Variants in PLCD1 observed in about 807,000 individuals in gnomAD.
PLCD1 encodes the protein 1-phosphatidylinositol 4,5-bisphosphate phosphodiesterase delta-1.
PLCD1 carries 71 observed loss-of-function variants against 87.4 expected under a neutral mutation model. That is an observed-to-expected ratio of 0.81 (90% CI 0.67 to 0.99). PLCD1 has a LOEUF of 0.99. PLCD1 is among the 50% of genes least tolerant of loss of function. The pLI is 0.00. For synonymous variants in PLCD1, 348 were observed against 399.2 expected (o/e 0.87, Z 1.53); for missense variants, 867 against 1,001.5 (o/e 0.87, Z 1.81).
chr3:38,021,581 T>C (rs564029469), intron 1 of PLCD1, among the ~76,000 whole-genome samples: 443 of 152,302 alleles, frequency 2.9e-3, no homozygotes, highest in Non-Finnish European at 4.4e-3. Flanking sequence ...CCCACTGGTG[T>C]AATACAGAAA....
At chr3:38,008,987 G>C (rs933221793) in intron 11 of PLCD1, 55 bp downstream of exon 11, 263 of 1,441,088 alleles carry the variant, frequency 1.8e-4, no homozygotes, top group Non-Finnish European at 2.5e-4. Context: ...CCAGGCCCCC[G>C]GCCTTGGGAC....
Position 38,009,122 on chromosome 3 carries a change from C to G in PLCD1, c.1643G>C (p.Ser548Thr). 1 of 1,614,166 alleles carries G rather than the reference C, an allele frequency of 6.2e-7. No homozygotes were observed. Among genetic ancestry groups the G allele is most frequent in the South Asian group, 1.1e-5 (1 of 91,078 alleles). The change falls in exon 11 of 15, where the codon AGC becomes ACC. Residue 548 changes from serine (S) to threonine (T), a missense_variant. By Grantham distance (58) the Ser-to-Thr change is moderately conservative. Coordinates refer to ENST00000334661, the MANE Select transcript of PLCD1 (RefSeq NM_006225.4). ...GFVRHNVGHL[S>T]RIYPAGWRTD... is the part of the protein sequence containing the mutation. ...TCTCCATCCAGCCGGGTAGATTCTG[C>G]TCAGGTGCCCCACGTTGTGGCGGAC...
In PLCD1 at chr3:38,009,635, C is replaced by A. The variant is rs369057177; in HGVS notation, c.1446+18G>T. 6.2e-7 allele frequency: 1 copy of A among 1,613,906 alleles called. No homozygotes were observed. Among genetic ancestry groups the A allele is most frequent in the African/African-American group, 1.3e-5 (1 of 74,922 alleles). ...GGGGAAGGCCCGGGCTGCCCCACCC[C>A]ACAGCTCCCCCTCAAACCTTGGGCT... is the stretch of plus-strand genomic sequence containing the variant. On this transcript the variant is annotated intron_variant, in intron 9 of 14. Transcript: ENST00000334661.
Position 38,011,242 on chromosome 3 carries a change from G to A in PLCD1, c.762C>T (p.Leu254=), listed in dbSNP as rs767636924. 3.7e-6 allele frequency: 6 copies of A among 1,610,730 alleles called. No homozygotes were observed. The highest frequency in any genetic ancestry group is 5.1e-6 in the Non-Finnish European group (6 of 1,179,874). The part of the protein sequence containing the change: ...EAAGPALALS[L]IERYEPSETA... The stretch of plus-strand genomic sequence containing the variant: ...TCTCGCTGGGCTCGTAGCGCTCAAT[G>A]AGGGAGAGGGCCAGCGCAGGCCCTG... Residue 254 remains leucine (L), a synonymous_variant, in exon 5 of 15, where the codon CTC becomes CTT. Coordinates refer to ENST00000334661, the MANE Select transcript of PLCD1 (RefSeq NM_006225.4).
In PLCD1 at chr3:38,018,285, C is replaced by T. The variant is rs182208264; in HGVS notation, c.200-1566G>A. Among the ~76,000 whole-genome samples, 593 of 152,238 alleles carry T rather than the reference C, an allele frequency of 3.9e-3. No individual in the cohort carries two copies. Among genetic ancestry groups the T allele is most frequent in the African/African-American group, 0.013 (532 of 41,532 alleles). On this transcript the variant is annotated intron_variant, in intron 2 of 14. Transcript: ENST00000334661. This position sits in a 1 kb window ranked among gnomAD's most constrained non-coding sequence, Gnocchi z 5.7. Reference sequence around the variant, plus strand: ...AACAAAGCAGGCTCAGCACGAGACCCGTCTCAGGCGTCTGACCAGCAGAAA... The same window carrying T: ...AACAAAGCAGGCTCAGCACGAGACCTGTCTCAGGCGTCTGACCAGCAGAAA...
rs776508561 is a variant in PLCD1 at position 38,009,410 on chromosome 3, G to A, written c.1468C>T (p.Gln490Ter). The change falls in exon 10 of 15, where the codon CAG becomes TAG. Residue 490 changes from glutamine to a stop codon, truncating the protein, a stop_gained. Transcript: ENST00000334661. LOFTEE classifies it high-confidence loss of function. ...TAAATGACCATGTCAGAGAGCTCCT[G>A]TGCTAGCCTGAGCTTGTCCTCCTGG... ...KPKEDKLRLAQELSDMVIYCK... is the reference protein window; with the variant it reads ...KPKEDKLRLA 5.6e-6 allele frequency: 9 copies of A among 1,614,114 alleles called. No homozygotes were observed. Among genetic ancestry groups the A allele is most frequent in the Middle Eastern group, 1.6e-4 (1 of 6,084 alleles).
intron 9 of PLCD1, 79 bp from the exon 10 acceptor site, chr3:38,009,510 C>T: frequency 6.4e-7 from 1 of 1,570,032 alleles, no homozygotes; most frequent in Non-Finnish European, 8.8e-7. Context: ...AACCCAGGCG[C>T]AGAGAGACAG....
At position 38,009,761 on chromosome 3, in the gene PLCD1, C is replaced by T; in HGVS notation, c.1338G>A (p.Leu446=). The change falls in exon 9 of 15, where the codon CTG becomes CTA. Residue 446 remains leucine, a synonymous_variant. Transcript: ENST00000334661. ...LLKGKKLGGL[L]PPGGEGGPEA... The stretch of plus-strand genomic sequence containing the variant: ...CAGGGCCACCCTCCCCTCCAGGGGG[C>T]AGGAGCCCCCCGAGCTTCTTCCCCT... 9.9e-6 allele frequency: 16 copies of T among 1,614,028 alleles called. No homozygotes were observed. Among genetic ancestry groups the T allele is most frequent in the Non-Finnish European group, 1.4e-5 (16 of 1,179,956 alleles).
chr3:38,009,019 C>T (rs373561716), intron 11 of PLCD1, 23 bp downstream of exon 11: 123 of 1,588,962 alleles, frequency 7.7e-5, no homozygotes, highest in Non-Finnish European at 1.0e-4. Context: ...TCCAGGCCTC[C>T]TCCAGCCCCA....
intron 1 of PLCD1, among the ~76,000 whole-genome samples, chr3:38,021,006 T>C (rs1372303283): frequency 1.3e-5 from 2 of 152,046 alleles, no homozygotes. Flanking sequence ...AGCAACCACC[T>C]CAAAGGGAAG....
intron 3 of PLCD1, chr3:38,014,798 T>C (rs2154775): frequency 1.8e-4 from 28 of 152,152 alleles, no homozygotes; most frequent in Admixed American, 1.8e-3. Flanking sequence ...AGACAAATGA[T>C]CCAAAAAATG....
rs369094540 is a variant in PLCD1 at position 38,020,174 on chromosome 3, C to T, written c.199+14G>A. Reference sequence around the variant, plus strand: ...CACACTCTATCCCCTCCCCTGTGACCCCAGGGCACTCACACAGCTGGGACT... The same window carrying T: ...CACACTCTATCCCCTCCCCTGTGACTCCAGGGCACTCACACAGCTGGGACT... On this transcript the variant is annotated intron_variant, in intron 2 of 14. Coordinates refer to ENST00000334661, the MANE Select transcript of PLCD1 (RefSeq NM_006225.4). The T allele has an allele frequency of 2.5e-6, 4 of 1,611,130 alleles. No homozygotes were observed. The African/African-American group carries it at 5.3e-5, about 22-fold the overall frequency.
chr3:38,024,726 C>A, intron 1 of PLCD1: 1 of 1,418,432 alleles, frequency 7.1e-7, no homozygotes, highest in Non-Finnish European at 9.3e-7. Flanking sequence ...GAGGCGAGAG[C>A]GAAACCGAGG....
intron 2 of PLCD1, among the ~76,000 whole-genome samples, chr3:38,019,316 T>C (rs1017145870): frequency 6.6e-6 from 1 of 152,178 alleles, no homozygotes; most frequent in Admixed American, 6.5e-5. Context: ...TAGTTAAAAT[T>C]AAATAAGATT....
intron 3 of PLCD1, among the ~76,000 whole-genome samples, chr3:38,012,740 C>T (rs1010819159): frequency 3.9e-5 from 6 of 152,094 alleles, no homozygotes; most frequent in African/African-American, 7.2e-5. Flanking sequence ...TGGTCTTGAA[C>T]TCCTCACCTC....
chr3:38,010,096 G>A (rs756571684), intron 7 of PLCD1, 35 bp downstream of exon 7: 4 of 1,614,112 alleles, frequency 2.5e-6, no homozygotes, highest in Non-Finnish European at 3.4e-6. Flanking sequence ...GCCACCCCTA[G>A]CATCCCACTC....
At position 38,009,886 on chromosome 3, in the gene PLCD1, C is replaced by T; in HGVS notation, c.1287+18G>A. 6.3e-7 allele frequency: 1 copy of T among 1,597,502 alleles called. No homozygotes were observed. The highest frequency in any genetic ancestry group is 1.1e-5 in the South Asian group (1 of 88,944). On this transcript the variant is annotated intron_variant, in intron 8 of 14. Coordinates refer to ENST00000334661, the MANE Select transcript of PLCD1 (RefSeq NM_006225.4). The stretch of plus-strand genomic sequence containing the variant: ...GCTCCCCACCCTCCCCCAGGGATCC[C>T]CCATCCCCACCACACACCTCAGGGG...
intron 1 of PLCD1, chr3:38,024,521 G>C (rs1410929041): frequency 2.6e-6 from 4 of 1,524,244 alleles, no homozygotes; most frequent in Non-Finnish European, 3.5e-6. Context: ...CCTCTGCTCT[G>C]GTCCGGGGGG....
At chr3:38,026,555 C>A (rs1406429243) in intron 1 of PLCD1, among the ~76,000 whole-genome samples, 1 of 152,120 alleles carries the variant, frequency 6.6e-6, no homozygotes, top group South Asian at 2.1e-4. Flanking sequence ...AAAACATAAT[C>A]CTGAGAAGGG....
Sources: gnomAD v4.1 joint callset for allele counts (sites outside exome capture counted in the v4.1 genomes callset) on GRCh38, gnomAD v4.1.1 for gene constraint, Gnocchi (gnomAD v3.1) non-coding constraint, MANE v1.5 for transcripts, NCBI Gene and HGNC (gene_info 2026-07-23, HGNC 2026-07-21) for gene names.